EYS: variants seen among roughly 807,000 people sequenced by gnomAD.
EYS encodes the protein EGF-like photoreceptor maintenance factor.
Under a neutral mutation model 282.1 loss-of-function variants are expected in EYS, and 250 were observed. The observed-to-expected ratio is 0.89, with a 90% CI of 0.80 to 0.98. EYS has a LOEUF of 0.98. EYS is among the 50% of genes least tolerant of loss of function. The probability of loss-of-function intolerance (pLI) is 0.00; values close to 1 mark genes in which losing one functional copy is unlikely to be tolerated. For synonymous variants in EYS, 1,355 were observed against 1,282.9 expected, an observed-to-expected ratio of 1.06 and a Z score of -1.20; for missense variants, 4,016 against 3,709.0, an observed-to-expected ratio of 1.08 and a Z score of -2.15.
intron 12 of EYS, among the ~76,000 whole-genome samples, chr6:65,197,656 A>G (rs899597810): frequency 1.3e-5 from 2 of 152,132 alleles, no homozygotes; most frequent in African/African-American, 2.4e-5. Context: ...GTGTACTTCC[A>G]CAAACTGAGA....
intron 22 of EYS, among the ~76,000 whole-genome samples, chr6:64,665,219 CAT>C (rs1769187495): frequency 6.6e-6 from 1 of 152,078 alleles, no homozygotes; most frequent in South Asian, 2.1e-4. Flanking sequence ...AGTAAATTCA[CAT>C]ATGTGTTTTA....
At chr6:65,366,011 A>T (rs1187581461) in intron 8 of EYS, among the ~76,000 whole-genome samples, 1 of 151,772 alleles carries the variant, frequency 6.6e-6, no homozygotes, top group African/African-American at 2.4e-5. Flanking sequence ...AGATGTTCAT[A>T]TTGGGAAGAA....
intron 8 of EYS, among the ~76,000 whole-genome samples, chr6:65,366,367 C>T (rs2150337939): frequency 7.3e-6 from 1 of 136,194 alleles, no homozygotes; most frequent in East Asian, 2.2e-4. Context: ...ACTAACTAAA[C>T]ATCTTGCTGC....
intron 26 of EYS, among the ~76,000 whole-genome samples, chr6:64,545,449 G>C (rs1764825424): frequency 6.6e-6 from 1 of 152,170 alleles, no homozygotes; most frequent in Non-Finnish European, 1.5e-5. Flanking sequence ...CATTCCCTTT[G>C]AAAACTGGCA....
At chr6:64,210,244 C>T (rs1460138699) in intron 31 of EYS, among the ~76,000 whole-genome samples, 1 of 152,154 alleles carries the variant, frequency 6.6e-6, no homozygotes, top group Admixed American at 6.5e-5. Context: ...TTGCTAGGGG[C>T]TGCCATAGCG....
At chr6:64,185,156 G>A (rs2150313619) in intron 31 of EYS, among the ~76,000 whole-genome samples, 1 of 151,946 alleles carries the variant, frequency 6.6e-6, no homozygotes, top group African/African-American at 2.4e-5. Flanking sequence ...AACTTGTCGG[G>A]CTCCCCAAAT....
intron 1 of EYS, among the ~76,000 whole-genome samples, chr6:65,654,205 A>G (rs1410032954): frequency 2.0e-5 from 3 of 151,900 alleles, no homozygotes; most frequent in Non-Finnish European, 4.4e-5. Context: ...TTTCTTTTAA[A>G]AAAGGTAGCA....
chr6:64,582,073 A>G (rs1157506162), intron 26 of EYS, among the ~76,000 whole-genome samples: 1 of 152,200 alleles, frequency 6.6e-6, no homozygotes, highest in Admixed American at 6.5e-5. Flanking sequence ...AAAGAAGAAC[A>G]TAGTAAGTAT....
At chr6:65,226,978 T>TA (rs1310970608) in intron 12 of EYS, among the ~76,000 whole-genome samples, 1 of 152,132 alleles carries the variant, frequency 6.6e-6, no homozygotes, top group African/African-American at 2.4e-5. Context: ...CTCACGCCTG[T>TA]AATCCCAGCA....
chr6:64,736,244 G>T (rs1023913342), intron 22 of EYS, among the ~76,000 whole-genome samples: 2 of 151,832 alleles, frequency 1.3e-5, no homozygotes, highest in South Asian at 2.1e-4. Flanking sequence ...AAACTTCTAT[G>T]AATATTACCT....
intron 14 of EYS, among the ~76,000 whole-genome samples, chr6:64,967,308 T>C (rs1427039044): frequency 6.6e-6 from 1 of 151,726 alleles, no homozygotes; most frequent in African/African-American, 2.4e-5. Context: ...CTGTTCACTG[T>C]AGTCTGAGAT....
At chr6:64,473,463 A>G (rs1776179060) in intron 26 of EYS, among the ~76,000 whole-genome samples, 1 of 152,200 alleles carries the variant, frequency 6.6e-6, no homozygotes, top group African/African-American at 2.4e-5. Flanking sequence ...ACACTTAAAG[A>G]CTAATGAATG....
chr6:64,177,171 A>C (rs926026883), intron 31 of EYS, among the ~76,000 whole-genome samples: 5 of 151,652 alleles, frequency 3.3e-5, no homozygotes, highest in Non-Finnish European at 7.4e-5. Flanking sequence ...ACTCTATAAC[A>C]ACTATAATTA....
intron 5 of EYS, among the ~76,000 whole-genome samples, chr6:65,457,668 C>A (rs538058700): frequency 6.6e-6 from 1 of 151,802 alleles, no homozygotes; most frequent in East Asian, 1.9e-4. Context: ...CACACTCTGA[C>A]GAATAAAAAA....
intron 12 of EYS, among the ~76,000 whole-genome samples, chr6:65,287,513 C>G (rs547507635): frequency 1.3e-5 from 2 of 151,434 alleles, no homozygotes; most frequent in East Asian, 3.9e-4. Context: ...TGCACATAAC[C>G]TTTTCCTTCC....
chr6:64,896,591 G>C (rs1254969110), intron 18 of EYS, among the ~76,000 whole-genome samples: 3 of 149,900 alleles, frequency 2.0e-5, no homozygotes, highest in African/African-American at 7.4e-5. Flanking sequence ...TGAAACACCA[G>C]CAAGAGAGAA....
intron 33 of EYS, among the ~76,000 whole-genome samples, chr6:64,020,012 G>A (rs910525159): frequency 3.0e-4 from 46 of 151,730 alleles, no homozygotes; most frequent in African/African-American, 7.5e-4. Context: ...TAACATTTTC[G>A]CAGAGTAATC....
intron 12 of EYS, among the ~76,000 whole-genome samples, chr6:65,064,992 C>T (rs990883180): frequency 6.6e-6 from 1 of 152,114 alleles, no homozygotes; most frequent in Non-Finnish European, 1.5e-5. Context: ...ACTGCAAACA[C>T]AGACACTAGG....
At chr6:64,306,254 A>C (rs1769440594) in intron 30 of EYS, among the ~76,000 whole-genome samples, 1 of 152,104 alleles carries the variant, frequency 6.6e-6, no homozygotes, top group South Asian at 2.1e-4. Context: ...ATGAGGAGCA[A>C]CCTCACATTG....
Sources: gnomAD v4.1 joint callset for allele counts (sites outside exome capture counted in the v4.1 genomes callset) on GRCh38, gnomAD v4.1.1 for gene constraint, MANE v1.5 for transcripts, NCBI Gene and HGNC (gene_info 2026-07-23, HGNC 2026-07-21) for gene names.